Variants in AP3B1 observed in about 807,000 individuals in gnomAD.
AP3B1 encodes adaptor related protein complex 3 subunit beta 1.
Under a neutral mutation model 132.5 loss-of-function variants are expected in AP3B1, and 61 were observed. That is an observed-to-expected ratio of 0.46 (90% confidence interval 0.37 to 0.57). AP3B1 has a LOEUF of 0.57. AP3B1 is among the 20% of genes least tolerant of loss of function. The pLI is 0.00. For missense variants in AP3B1, 1,120 were observed against 1,289.4 expected, an observed-to-expected ratio of 0.87 and a Z score of 2.01; for synonymous variants, 388 against 438.3, an observed-to-expected ratio of 0.89 and a Z score of 1.43.
chr5:78,194,844 A>G (rs888240348), intron 7 of AP3B1, among the ~76,000 whole-genome samples: 2 of 152,206 alleles, frequency 1.3e-5, no homozygotes, highest in African/African-American at 4.8e-5. Flanking sequence ...ATGCTTTCCA[A>G]TGGAAAACTA....
At chr5:78,211,603 C>T (rs906213516) in intron 7 of AP3B1, among the ~76,000 whole-genome samples, 3 of 152,166 alleles carry the variant, frequency 2.0e-5, no homozygotes, top group Admixed American at 1.3e-4. Context: ...AGCATATTAA[C>T]GTAAACAAAT....
intron 7 of AP3B1, among the ~76,000 whole-genome samples, chr5:78,200,808 A>G (rs1745259234): frequency 1.3e-5 from 2 of 152,162 alleles, no homozygotes; most frequent in Admixed American, 1.3e-4. Flanking sequence ...AAATCTCCAT[A>G]TGTCACTGTA....
chr5:78,192,695 T>C (rs920861567), intron 7 of AP3B1, among the ~76,000 whole-genome samples: 2 of 152,068 alleles, frequency 1.3e-5, no homozygotes, highest in South Asian at 4.1e-4. Flanking sequence ...GGTATTAGGA[T>C]AGGAGATGGG....
At chr5:78,007,256 A>G (rs1044577081) in intron 26 of AP3B1, among the ~76,000 whole-genome samples, 1 of 152,228 alleles carries the variant, frequency 6.6e-6, no homozygotes, top group Non-Finnish European at 1.5e-5. Context: ...AGTCACAAAC[A>G]TAACATTTTT....
chr5:78,200,427 G>A (rs1192912158), intron 7 of AP3B1, among the ~76,000 whole-genome samples: 1 of 152,138 alleles, frequency 6.6e-6, no homozygotes, highest in Non-Finnish European at 1.5e-5. Context: ...GGAGGCTGAG[G>A]CAGGCGAATC....
chr5:78,193,099 G>A (rs1015249146), intron 7 of AP3B1, among the ~76,000 whole-genome samples: 1 of 152,138 alleles, frequency 6.6e-6, no homozygotes, highest in Non-Finnish European at 1.5e-5. Flanking sequence ...TTTATATTGT[G>A]TTTAAATAAA....
In AP3B1 at chr5:78,161,681, T is replaced by G. The variant is rs80228970; in HGVS notation, c.1363+1138A>C. 3.1e-3 allele frequency among the ~76,000 whole-genome samples: 471 copies of G among 152,116 alleles called. 1 individual carries two copies. The highest frequency in any genetic ancestry group is 0.011 in the African/African-American group (443 of 41,570). ...TTTTAAACCTATCGTCTTGATAATT[T>G]TGGTTGGCATTTATTTGGAGTTTTA... On this transcript the variant is annotated intron_variant, in intron 13 of 26. Transcript: ENST00000255194.
chr5:78,199,710 C>A (rs565833417), intron 7 of AP3B1, among the ~76,000 whole-genome samples: 1 of 151,918 alleles, frequency 6.6e-6, no homozygotes, highest in South Asian at 2.1e-4. Flanking sequence ...AGAAGGAGGG[C>A]GATTAATTAA....
At chr5:78,260,517 C>G (rs996831401) in intron 2 of AP3B1, among the ~76,000 whole-genome samples, 1 of 151,972 alleles carries the variant, frequency 6.6e-6, no homozygotes, top group Admixed American at 6.6e-5. Flanking sequence ...TTGCTTGAAC[C>G]CAGAAGGCGG....
At chr5:78,235,873 T>C (rs534372830) in intron 3 of AP3B1, among the ~76,000 whole-genome samples, 1 of 152,324 alleles carries the variant, frequency 6.6e-6, no homozygotes, top group African/African-American at 2.4e-5. Flanking sequence ...TTGGTATCAT[T>C]TGACATTTAA....
intron 22 of AP3B1, among the ~76,000 whole-genome samples, chr5:78,071,962 C>T (rs554745169): frequency 2.0e-5 from 3 of 152,262 alleles, no homozygotes; most frequent in Admixed American, 2.0e-4. Flanking sequence ...CTTTGATGTA[C>T]TAGTTTATAT....
chr5:78,284,538 G>A (rs375177328), intron 1 of AP3B1, among the ~76,000 whole-genome samples: 1 of 152,130 alleles, frequency 6.6e-6, no homozygotes, highest in Admixed American at 6.5e-5. Context: ...TTTAAGAAAT[G>A]AGCAGGCTCC....
intron 1 of AP3B1, among the ~76,000 whole-genome samples, chr5:78,292,942 G>C (rs745851263): frequency 1.3e-5 from 2 of 151,810 alleles, no homozygotes; most frequent in African/African-American, 4.8e-5. Context: ...GCTGTGGCGC[G>C]ATCTCGGCTC....
At chr5:78,101,314 T>C (rs1027847610) in intron 20 of AP3B1, 7 of 455,362 alleles carry the variant, frequency 1.5e-5, no homozygotes, top group African/African-American at 1.4e-4. Context: ...AACTTCTTGC[T>C]AACATAAAAA....
At chr5:78,191,865 A>G (rs1435360197) in intron 7 of AP3B1, among the ~76,000 whole-genome samples, 1 of 152,144 alleles carries the variant, frequency 6.6e-6, no homozygotes, top group Non-Finnish European at 1.5e-5. Context: ...TTGTGAAAAT[A>G]TATAGTCATT....
intron 19 of AP3B1, 67 bp from the exon 20 acceptor site, chr5:78,110,421 T>C: frequency 7.7e-7 from 1 of 1,305,392 alleles, no homozygotes; most frequent in South Asian, 1.3e-5. Flanking sequence ...TATAAAAAAA[T>C]TGTTTTTAAA....
At position 78,034,340 on chromosome 5, in the gene AP3B1, T is replaced by C. The variant is rs370943861; in HGVS notation, c.2894+21A>G. The C allele has an allele frequency of 4.9e-5, 77 of 1,580,326 alleles. No individual in the cohort carries two copies. In the African/African-American group the frequency reaches 8.3e-4, roughly 17 times the overall value. ...TATCCTTTACAGGTTATATAAAAAA[T>C]AGAAGAACAATTGAACTTACCACAA... On this transcript the variant is annotated intron_variant, in intron 24 of 26. Transcript: ENST00000255194.
rs185160552 is a variant in AP3B1 at position 78,157,270 on chromosome 5, A to G, written c.1364-903T>C. On this transcript the variant is annotated intron_variant, in intron 13 of 26. Transcript: ENST00000255194. Reference sequence around the variant, plus strand: ...ATGGTAAAGGCCTCCCACTGTTGATAGCCTGTTAGCTCCAGGGTGTTACAT... The same window carrying G: ...ATGGTAAAGGCCTCCCACTGTTGATGGCCTGTTAGCTCCAGGGTGTTACAT... Among the ~76,000 whole-genome samples, 22 of 152,320 alleles carry G rather than the reference A, an allele frequency of 1.4e-4. 1 individual carries two copies. The highest frequency in any genetic ancestry group is 5.3e-4 in the African/African-American group (22 of 41,584).
intron 11 of AP3B1, among the ~76,000 whole-genome samples, chr5:78,170,507 A>C (rs905156024): frequency 1.3e-5 from 2 of 152,178 alleles, no homozygotes; most frequent in Non-Finnish European, 2.9e-5. Context: ...CTGATGACCA[A>C]TGAGGATGAG....
Sources: gnomAD v4.1 joint callset for allele counts (sites outside exome capture counted in the v4.1 genomes callset) on GRCh38, gnomAD v4.1.1 for gene constraint, MANE v1.5 for transcripts, NCBI Gene and HGNC (gene_info 2026-07-23, HGNC 2026-07-21) for gene names.